The following TNNI3K variants were observed in gnomAD, a reference collection of about 807,000 sequenced individuals.
The protein encoded by TNNI3K is serine/threonine-protein kinase TNNI3K.
A neutral mutation model predicts 114.5 loss-of-function variants in TNNI3K; 140 were observed. The ratio of observed to expected loss-of-function variants is 1.22; its 90% CI spans 1.07 to 1.41. The LOEUF is 1.41. TNNI3K is among the 40% of genes most tolerant of loss of function. The pLI, the probability that TNNI3K is intolerant of heterozygous loss-of-function variation, is 0.00. For missense variants in TNNI3K, 1,125 were observed against 1,007.6 expected (o/e 1.12, Z -1.58); for synonymous variants, 347 against 347.5 (o/e 1.00, Z 0.02).
At chr1:74,360,546 A>G (rs1302845502) in intron 11 of TNNI3K, among the ~76,000 whole-genome samples, 1 of 152,098 alleles carries the variant, frequency 6.6e-6, no homozygotes, top group East Asian at 1.9e-4. Context: ...CACTTCACAT[A>G]ATAGGGATAG....
At chr1:74,385,244 G>C (rs1312098673) in intron 17 of TNNI3K, among the ~76,000 whole-genome samples, 1 of 152,142 alleles carries the variant, frequency 6.6e-6, no homozygotes, top group Non-Finnish European at 1.5e-5. Context: ...TATAAGAAAG[G>C]AATTGATTGC....
intron 6 of TNNI3K, among the ~76,000 whole-genome samples, chr1:74,333,793 G>T (rs954119095): frequency 6.6e-6 from 1 of 152,086 alleles, no homozygotes; most frequent in Non-Finnish European, 1.5e-5. Flanking sequence ...ATATTTCCTA[G>T]GTATGTAATA....
At chr1:74,459,913 C>T (rs1667376726) in intron 20 of TNNI3K, among the ~76,000 whole-genome samples, 2 of 152,100 alleles carry the variant, frequency 1.3e-5, no homozygotes, top group African/African-American at 4.8e-5. Context: ...AATGAGAGTG[C>T]AAGCTATGCT....
intron 5 of TNNI3K, among the ~76,000 whole-genome samples, chr1:74,326,979 G>A (rs1284195133): frequency 6.6e-6 from 1 of 151,720 alleles, no homozygotes; most frequent in Non-Finnish European, 1.5e-5. Context: ...TACTCAGGAG[G>A]CTGAGGCAGG....
At position 74,254,351 on chromosome 1, in the gene TNNI3K, A is replaced by G. The variant is rs183905294; in HGVS notation, c.333+3582A>G. ...CTATAGTTCAAATTCAAGTTTTATC[A>G]ATTGTCCCAATTGTGTCATTTATAG... On this transcript the variant is annotated intron_variant, in intron 4 of 24. Transcript: ENST00000326637. 4.4e-3 allele frequency among the ~76,000 whole-genome samples: 665 copies of G among 152,326 alleles called. 3 individuals carry two copies. The highest frequency in any genetic ancestry group is 7.0e-3 in the Non-Finnish European group (475 of 68,030).
intron 5 of TNNI3K, among the ~76,000 whole-genome samples, chr1:74,280,267 A>G (rs920828228): frequency 1.3e-5 from 2 of 152,128 alleles, no homozygotes; most frequent in African/African-American, 4.8e-5. Context: ...CTGTAGTCCC[A>G]GCTACTCAGG....
chr1:74,271,598 G>C lies in TNNI3K; in HGVS notation c.334G>C (p.Asp112His). 1.3e-6 allele frequency: 2 copies of C among 1,595,680 alleles called. No individual in the cohort carries two copies. Among genetic ancestry groups the C allele is most frequent in the East Asian group, 4.5e-5 (2 of 44,188 alleles). The change falls in exon 5 of 25, where the codon GAT becomes CAT. Residue 112 changes from aspartate to histidine, a missense_variant and splice_region_variant. Coordinates refer to ENST00000326637, the MANE Select transcript of TNNI3K (RefSeq NM_015978.3). ...FTALHLAVYK[D>H]NAELITSLLH... ...ACACTAAAGATATGTTTCCTTACAG[G>C]ATAATGCAGAATTGATCACTTCTCT...
At position 74,492,280 on chromosome 1, in the gene TNNI3K, T is replaced by C. The variant is rs775819219; in HGVS notation, c.2351+14T>C. On this transcript the variant is annotated intron_variant, in intron 23 of 24. Transcript: ENST00000326637. ...TTTGTCCCAAAGGTGAGTGGTAATA[T>C]AAGCAAATCTCACAGTAAAGTCTTA... The C allele has an allele frequency of 2.7e-6, 4 of 1,484,522 alleles. No homozygotes were observed. Among genetic ancestry groups the C allele is most frequent in the Admixed American group, 3.7e-5 (2 of 53,862 alleles). 92.0% of individuals were successfully genotyped at this position (1,484,522 alleles called of 1,614,324 possible).
intron 5 of TNNI3K, among the ~76,000 whole-genome samples, chr1:74,301,937 A>G (rs1404557329): frequency 6.6e-6 from 1 of 152,214 alleles, no homozygotes; most frequent in Non-Finnish European, 1.5e-5. Flanking sequence ...CTATTTACCA[A>G]GTGCCTATTG....
intron 5 of TNNI3K, among the ~76,000 whole-genome samples, chr1:74,313,103 A>G (rs1400042704): frequency 6.6e-6 from 1 of 152,132 alleles, no homozygotes; most frequent in African/African-American, 2.4e-5. Context: ...CTTCTGGTTT[A>G]TATCTTTGGA....
At chr1:74,284,656 G>A (rs1311105790) in intron 5 of TNNI3K, among the ~76,000 whole-genome samples, 2 of 152,174 alleles carry the variant, frequency 1.3e-5, no homozygotes, top group Non-Finnish European at 2.9e-5. Context: ...CTTTCATTTT[G>A]CAGCCATTTT....
chr1:74,414,920 A>G (rs1423721836), intron 17 of TNNI3K, among the ~76,000 whole-genome samples: 3 of 152,204 alleles, frequency 2.0e-5, no homozygotes, highest in African/African-American at 7.2e-5. Context: ...AGTCATTAAA[A>G]AAATAAAAGT....
At chr1:74,348,450 CT>C (rs545446403) in intron 9 of TNNI3K, among the ~76,000 whole-genome samples, 5 of 152,268 alleles carry the variant, frequency 3.3e-5, no homozygotes, top group African/African-American at 1.2e-4. Flanking sequence ...CAACTTTGTT[CT>C]TTTTGCTTAG....
intron 23 of TNNI3K, among the ~76,000 whole-genome samples, chr1:74,495,519 C>A (rs557654373): frequency 1.3e-5 from 2 of 152,282 alleles, no homozygotes; most frequent in African/African-American, 4.8e-5. Flanking sequence ...TGAGCCTTAA[C>A]TATTTTCTCT....
chr1:74,388,799 A>C (rs917017058), intron 17 of TNNI3K, among the ~76,000 whole-genome samples: 1 of 152,184 alleles, frequency 6.6e-6, no homozygotes, highest in Non-Finnish European at 1.5e-5. Context: ...ACAGAATCTC[A>C]TACTAACCTT....
chr1:74,398,114 G>T (rs372683689), intron 17 of TNNI3K, among the ~76,000 whole-genome samples: 3 of 152,332 alleles, frequency 2.0e-5, no homozygotes, highest in Admixed American at 1.3e-4. Flanking sequence ...GATGCTGTAG[G>T]AAACAGGTGT....
chr1:74,523,631 G>C (rs902183578), intron 23 of TNNI3K, among the ~76,000 whole-genome samples: 1 of 152,172 alleles, frequency 6.6e-6, no homozygotes, highest in African/African-American at 2.4e-5. Flanking sequence ...CAGAGGTTGA[G>C]CTCCTACTGT....
At chr1:74,521,137 T>A (rs936140568) in intron 23 of TNNI3K, among the ~76,000 whole-genome samples, 1 of 152,128 alleles carries the variant, frequency 6.6e-6, no homozygotes, top group Non-Finnish European at 1.5e-5. Flanking sequence ...CCACAGAAGT[T>A]TGTAGAGCTG....
At chr1:74,513,232 C>T (rs946461788) in intron 23 of TNNI3K, among the ~76,000 whole-genome samples, 1 of 152,070 alleles carries the variant, frequency 6.6e-6, no homozygotes, top group East Asian at 1.9e-4. Context: ...TTTCCTAGTT[C>T]GTTTATTCAG....
Sources: gnomAD v4.1 joint callset for allele counts (sites outside exome capture counted in the v4.1 genomes callset) on GRCh38, gnomAD v4.1.1 for gene constraint, MANE v1.5 for transcripts, NCBI Gene and HGNC (gene_info 2026-07-23, HGNC 2026-07-21) for gene names.